Variants in ZC3H7B observed in about 807,000 individuals in gnomAD.
ZC3H7B encodes the protein zinc finger CCCH domain-containing protein 7B.
Under a neutral mutation model 116.0 loss-of-function variants are expected in ZC3H7B, and 35 were observed. That is an observed-to-expected ratio of 0.30 (90% confidence interval 0.23 to 0.40). The LOEUF is 0.40. Ranked by LOEUF, ZC3H7B falls within the 10% of genes least tolerant of loss-of-function variation. The pLI is 1.00. For missense variants in ZC3H7B, 1,011 were observed against 1,321.5 expected (o/e 0.77, Z 3.64); for synonymous variants, 502 against 545.6 (o/e 0.92, Z 1.11).
intron 20 of ZC3H7B, 27 bp downstream of exon 20, chr22:41,356,089 C>T: frequency 6.5e-7 from 1 of 1,540,894 alleles, no homozygotes; most frequent in Non-Finnish European, 8.7e-7. Context: ...GGCGGGCGGG[C>T]CCTCCCCCGG....
chr22:41,356,735 G>T lies in ZC3H7B; in HGVS notation c.2608G>T (p.Val870Phe). Residue 870 changes from valine to phenylalanine, a missense_variant, in exon 22 of 23, where the codon GTC becomes TTC. By Grantham distance (50) the Val-to-Phe change is conservative. This residue lies in a region of ZC3H7B where 406 missense variants were observed against 590.2 expected (regional missense o/e 0.69). Coordinates refer to ENST00000352645, the MANE Select transcript of ZC3H7B (RefSeq NM_017590.6). Reference protein sequence around the residue: ...HIQSEKHKEKVFTSDSDASGW... With the variant: ...HIQSEKHKEKFFTSDSDASGW... ...CCAGTCCGAGAAGCACAAGGAGAAG[G>T]TCTTCACGTCCGACAGTGACGCCAG... 6.2e-7 allele frequency: 1 copy of T among 1,613,690 alleles called. No individual in the cohort carries two copies. Among genetic ancestry groups the T allele is most frequent in the South Asian group, 1.1e-5 (1 of 91,086 alleles).
At chr22:41,319,787 G>C (rs1021144722) in intron 1 of ZC3H7B, among the ~76,000 whole-genome samples, 1 of 152,056 alleles carries the variant, frequency 6.6e-6, no homozygotes, top group African/African-American at 2.4e-5. Flanking sequence ...CTAGCACTCT[G>C]GGGGGCCAAA....
intron 1 of ZC3H7B, among the ~76,000 whole-genome samples, chr22:41,315,758 A>C (rs1370050685): frequency 6.6e-6 from 1 of 152,112 alleles, no homozygotes; most frequent in African/African-American, 2.4e-5. Flanking sequence ...AGTGTCTCTT[A>C]TAAGGACAGT....
chr22:41,335,155 T>C (rs1245654497), intron 7 of ZC3H7B: 2 of 152,256 alleles, frequency 1.3e-5, no homozygotes, highest in Non-Finnish European at 2.9e-5. Context: ...GTTCCTCCTA[T>C]GGGGCTCGGA....
chr22:41,315,350 G>GTGT (rs896897821), intron 1 of ZC3H7B, among the ~76,000 whole-genome samples: 3 of 78,712 alleles, frequency 3.8e-5, no homozygotes, highest in Non-Finnish European at 5.4e-5. Context: ...CTAATTTCTA[G>GTGT]TGTTTTTTTT....
intron 13 of ZC3H7B, 102 bp downstream of exon 13, chr22:41,343,678 G>A (rs77154238): frequency 0.021 from 29,033 of 1,402,656 alleles, 384 homozygotes; most frequent in Non-Finnish European, 0.024. Context: ...ACAGGGGTGG[G>A]CCTCACAGCT....
In ZC3H7B at chr22:41,340,034, G is replaced by T. The variant is rs150162771; in HGVS notation, c.1035G>T (p.Thr345=). The T allele has an allele frequency of 6.2e-7, 1 of 1,611,166 alleles. No homozygotes were observed. Among genetic ancestry groups the T allele is most frequent in the South Asian group, 1.1e-5 (1 of 91,062 alleles). Residue 345 remains threonine (T), a synonymous_variant, in exon 10 of 23, where the codon ACG becomes ACT. Coordinates refer to ENST00000352645, the MANE Select transcript of ZC3H7B (RefSeq NM_017590.6). ...VLDALDPPGP[T]LDPLDLLPYS... Reference sequence around the variant, plus strand: ...ATGCCCTCGATCCCCCGGGCCCCACGCTGGACCCCCTGGACCTGCTGCCGT... The same window carrying T: ...ATGCCCTCGATCCCCCGGGCCCCACTCTGGACCCCCTGGACCTGCTGCCGT...
chr22:41,343,305 G>A, intron 12 of ZC3H7B, 110 bp from the exon 13 acceptor site: 6 of 1,383,308 alleles, frequency 4.3e-6, no homozygotes, highest in Non-Finnish European at 5.9e-6. Flanking sequence ...CCTCAGAGGG[G>A]AGGTAGGTAT....
chr22:41,320,687 C>A lies in ZC3H7B; in HGVS notation c.27C>A (p.Asp9Glu), dbSNP rs978282466. The change falls in exon 2 of 23, where the codon GAC becomes GAA. Residue 9 changes from aspartate to glutamate, a missense_variant. Transcript: ENST00000352645. Reference protein sequence around the residue: MERQKRKADIEKGLQFIQS... With the variant: MERQKRKAEIEKGLQFIQS... ...TGGAGAGGCAGAAACGGAAGGCGGA[C>A]ATCGAGAAAGGGCTGCAGTTCATTC... 2 of 1,602,278 alleles carry A rather than the reference C, an allele frequency of 1.2e-6. No individual in the cohort carries two copies. The highest frequency in any genetic ancestry group is 2.7e-5 in the African/African-American group (2 of 74,572).
At chr22:41,322,003 C>T (rs2145911158) in intron 2 of ZC3H7B, among the ~76,000 whole-genome samples, 1 of 150,028 alleles carries the variant, frequency 6.7e-6, no homozygotes, top group Non-Finnish European at 1.5e-5. Flanking sequence ...CTACGCCCGG[C>T]TAATTTTTTG....
chr22:41,340,262 C>T (rs2036504540), intron 10 of ZC3H7B, 125 bp downstream of exon 10: 3 of 1,060,718 alleles, frequency 2.8e-6, no homozygotes, highest in African/African-American at 1.6e-5. Flanking sequence ...TTAGCAATCC[C>T]AGGCCATGTC....
At chr22:41,347,620 T>C (rs745693300) in intron 14 of ZC3H7B, among the ~76,000 whole-genome samples, 5 of 151,948 alleles carry the variant, frequency 3.3e-5, no homozygotes, top group Non-Finnish European at 7.4e-5. Flanking sequence ...GCTGGCAGGG[T>C]TTGGTGCCGC....
chr22:41,342,742 A>C, intron 12 of ZC3H7B, 114 bp downstream of exon 12: 1 of 1,087,670 alleles, frequency 9.2e-7, no homozygotes, highest in Non-Finnish European at 1.3e-6. Flanking sequence ...AGTGCCAGAA[A>C]TCAGAAGCCC....
rs2036484920 is a variant in ZC3H7B at position 41,339,182 on chromosome 22, G to A, written c.807G>A (p.Leu269=). The change falls in exon 9 of 23, where the codon CTG becomes CTA. Residue 269 remains leucine (L), a synonymous_variant. Coordinates refer to ENST00000352645, the MANE Select transcript of ZC3H7B (RefSeq NM_017590.6). The part of the protein sequence containing the change: ...DVFGPELDTL[L]DSLSLVQGGL... ...TTGGCCCAGAGCTGGACACCCTCCT[G>A]GACTCGCTGGTGAGCCACACCACCC... 6.2e-7 allele frequency: 1 copy of A among 1,607,620 alleles called. No homozygotes were observed. Among genetic ancestry groups the A allele is most frequent in the South Asian group, 1.1e-5 (1 of 89,566 alleles).
intron 5 of ZC3H7B, among the ~76,000 whole-genome samples, chr22:41,328,271 G>T (rs568872604): frequency 6.6e-6 from 1 of 152,194 alleles, no homozygotes; most frequent in East Asian, 1.9e-4. Flanking sequence ...GCACCACAGC[G>T]GATAGAAAGG....
intron 7 of ZC3H7B, chr22:41,335,243 C>T (rs1036284731): frequency 6.6e-6 from 1 of 152,268 alleles, no homozygotes; most frequent in Non-Finnish European, 1.5e-5. Context: ...CCACTCCACC[C>T]CTCAGAGCCT....
At chr22:41,323,403 C>G (rs988888853) in intron 2 of ZC3H7B, among the ~76,000 whole-genome samples, 1 of 152,222 alleles carries the variant, frequency 6.6e-6, no homozygotes, top group Non-Finnish European at 1.5e-5. Flanking sequence ...TTCTGTGTCC[C>G]CAGCCTCAGT....
intron 13 of ZC3H7B, among the ~76,000 whole-genome samples, chr22:41,344,238 G>A (rs1030590182): frequency 6.6e-6 from 1 of 152,136 alleles, no homozygotes; most frequent in African/African-American, 2.4e-5. Flanking sequence ...GTGCACCCAC[G>A]GCTCTGCCTC....
At chr22:41,334,329 T>C (rs1016241666) in intron 7 of ZC3H7B, 1 of 152,230 alleles carries the variant, frequency 6.6e-6, no homozygotes, top group Non-Finnish European at 1.5e-5. Flanking sequence ...TGTTGAATGA[T>C]TGAATGACTG....
Sources: allele counts gnomAD v4.1 joint callset (sites outside exome capture counted in the v4.1 genomes callset), GRCh38; gene constraint gnomAD v4.1.1; regional missense constraint gnomAD v4.1.1; transcripts MANE v1.5; gene names NCBI Gene and HGNC (gene_info 2026-07-23, HGNC 2026-07-21).